KANK4: variants seen among roughly 807,000 people sequenced by gnomAD.
KANK4 encodes the protein KN motif and ankyrin repeat domains 4.
KANK4 carries 50 observed loss-of-function variants against 80.8 expected under a neutral mutation model. The ratio of observed to expected loss-of-function variants is 0.62; its 90% CI spans 0.49 to 0.78. The LOEUF (loss-of-function observed/expected upper bound fraction) is 0.78. KANK4 is among the 30% of genes least tolerant of loss of function. The probability of loss-of-function intolerance (pLI) is 0.00; values close to 1 mark genes in which losing one functional copy is unlikely to be tolerated. For missense variants in KANK4, 1,196 were observed against 1,240.1 expected, an observed-to-expected ratio of 0.96 and a Z score of 0.53; for synonymous variants, 465 against 506.9, an observed-to-expected ratio of 0.92 and a Z score of 1.11.
chr1:62,278,367 TCCTTCCTTCC>T (rs1672365843), intron 2 of KANK4, among the ~76,000 whole-genome samples: 1 of 33,922 alleles, frequency 2.9e-5, no homozygotes, highest in African/African-American at 2.7e-4. Context: ...CTTCCTTCCT[TCCTTCCTTCC>T]TTTCTTTCTT....
chr1:62,266,230 A>G (rs999813025), intron 6 of KANK4, among the ~76,000 whole-genome samples: 4 of 152,198 alleles, frequency 2.6e-5, no homozygotes, highest in African/African-American at 9.7e-5. Context: ...AGTGTGACCC[A>G]TCACTTCAGG....
At chr1:62,293,833 C>T (rs550802854) in intron 1 of KANK4, among the ~76,000 whole-genome samples, 2 of 152,266 alleles carry the variant, frequency 1.3e-5, no homozygotes, top group East Asian at 3.9e-4. Flanking sequence ...CCTTCCTATA[C>T]TTGGTTATTT....
At position 62,238,361 on chromosome 1, in the gene KANK4, G is replaced by C; in HGVS notation, c.2904C>G (p.Ser968=). Residue 968 remains serine (S), a synonymous_variant, in exon 10 of 10, where the codon TCC becomes TCG. Coordinates refer to ENST00000371153, the MANE Select transcript of KANK4 (RefSeq NM_181712.5). ...LTDKAGRTAL[S]IALKSPTHME... ...TATGGGTGGGTGACTTCAGAGCGATGGACAAAGCTGTGCGGCCAGCCTACA... is the reference window on the plus strand; with the variant it reads ...TATGGGTGGGTGACTTCAGAGCGATCGACAAAGCTGTGCGGCCAGCCTACA... 2 of 1,613,930 alleles carry C rather than the reference G, an allele frequency of 1.2e-6. No individual in the cohort carries two copies. Among genetic ancestry groups the C allele is most frequent in the Admixed American group, 3.3e-5 (2 of 60,012 alleles).
rs1404285588 is a variant in KANK4 at position 62,268,282 on chromosome 1, C to T, written c.2231+5G>A. On this transcript the variant is annotated splice_donor_5th_base_variant and intron_variant, in intron 5 of 9. Transcript: ENST00000371153. ...AAGTGCCCGCGTTTGTGTCCATTTG[C>T]TCACCTCTCGGCCTTGGAGTGGGGG... The T allele has an allele frequency of 1.2e-6, 2 of 1,612,126 alleles. No individual in the cohort carries two copies. Among genetic ancestry groups the T allele is most frequent in the African/African-American group, 2.7e-5 (2 of 74,902 alleles).
intron 6 of KANK4, among the ~76,000 whole-genome samples, chr1:62,266,316 A>T (rs996239570): frequency 6.6e-6 from 1 of 151,380 alleles, no homozygotes; most frequent in Admixed American, 6.6e-5. Flanking sequence ...ACTGCCTCAC[A>T]CTGTGCACTG....
intron 1 of KANK4, among the ~76,000 whole-genome samples, chr1:62,310,750 G>A (rs956310136): frequency 3.3e-5 from 5 of 152,114 alleles, no homozygotes; most frequent in African/African-American, 1.2e-4. Context: ...GCTCACCTGA[G>A]AAGATGGGGA....
chr1:62,273,432 C>A lies in KANK4; in HGVS notation c.1672G>T (p.Ala558Ser). Residue 558 changes from alanine (A) to serine (S), a missense_variant, in exon 3 of 10, where the codon GCC becomes TCC. Ala to Ser is a moderately conservative substitution (Grantham distance 99). Around this residue, in one of 3 missense-constraint regions of KANK4, gnomAD observed 1,154 missense variants for 1,179.6 expected, o/e 0.98. Coordinates refer to ENST00000371153, the MANE Select transcript of KANK4 (RefSeq NM_181712.5). ...PGRPPSSPTD[A>S]TIGQYVKKIQ... ...TTCTTCACATACTGCCCAATAGTGG[C>A]ATCCGTTGGCGAGCTTGGTGGCCTT... is the stretch of plus-strand genomic sequence containing the variant. The A allele has an allele frequency of 6.2e-7, 1 of 1,613,494 alleles. No homozygotes were observed. The highest frequency in any genetic ancestry group is 1.1e-5 in the South Asian group (1 of 90,872).
chr1:62,250,604 C>T (rs772681893), intron 8 of KANK4, among the ~76,000 whole-genome samples: 2 of 152,116 alleles, frequency 1.3e-5, no homozygotes, highest in African/African-American at 4.8e-5. Flanking sequence ...TTTGGTGACC[C>T]GGAATGAGTC....
intron 4 of KANK4, among the ~76,000 whole-genome samples, chr1:62,269,225 A>G (rs901334792): frequency 6.6e-6 from 1 of 152,234 alleles, no homozygotes; most frequent in African/African-American, 2.4e-5. Flanking sequence ...ACCAGAGGCC[A>G]TGGAGGAAAG....
intron 2 of KANK4, among the ~76,000 whole-genome samples, chr1:62,279,918 C>T (rs1288909419): frequency 6.6e-6 from 1 of 152,178 alleles, no homozygotes; most frequent in African/African-American, 2.4e-5. Context: ...AACAACAGAT[C>T]ACTAGATCCT....
intron 8 of KANK4, among the ~76,000 whole-genome samples, chr1:62,251,390 ACT>A (rs1440462263): frequency 1.3e-5 from 2 of 152,020 alleles, no homozygotes; most frequent in Non-Finnish European, 2.9e-5. Flanking sequence ...AAAAGCCCAG[ACT>A]CTTCACAGTT....
chr1:62,294,872 G>A lies in KANK4; in HGVS notation c.-70-13238C>T, dbSNP rs1044562202. Among the ~76,000 whole-genome samples the A allele has an allele frequency of 2.0e-5, 3 of 152,224 alleles. No homozygotes were observed. In the East Asian group the frequency reaches 5.8e-4, roughly 29 times the overall value. On this transcript the variant is annotated intron_variant, in intron 1 of 9. Transcript: ENST00000371153. ...ACTTCAGGAGAGATGAAGTGCACCA[G>A]GAACTTCTCTGAACTTCAACTTTCC...
intron 1 of KANK4, among the ~76,000 whole-genome samples, chr1:62,296,092 G>T (rs2765269): frequency 0.7 from 106,453 of 152,184 alleles, 38,197 homozygotes; most frequent in East Asian, 0.87. Context: ...AGCAGTTAAG[G>T]AGAAAAAAGT....
intron 1 of KANK4, among the ~76,000 whole-genome samples, chr1:62,286,781 A>G (rs1312516018): frequency 6.6e-6 from 1 of 152,032 alleles, no homozygotes; most frequent in Non-Finnish European, 1.5e-5. Context: ...CCAGGACCAC[A>G]TGAAGCCTCT....
intron 1 of KANK4, among the ~76,000 whole-genome samples, chr1:62,318,061 T>C (rs1644556883): frequency 1.3e-5 from 2 of 152,186 alleles, no homozygotes; most frequent in Non-Finnish European, 2.9e-5. Context: ...TGAGAGGCTC[T>C]AAGCAACCTG....
In KANK4 at chr1:62,253,210, C is replaced by T; in HGVS notation, c.2540-1G>A. ...TTCTGATGGTCCACATTGCAGACGC[C>T]TGCAAGAGAAGCAATGGGTGCTGCA... On this transcript the variant is annotated splice_acceptor_variant, in intron 7 of 9. Coordinates refer to ENST00000371153, the MANE Select transcript of KANK4 (RefSeq NM_181712.5). LOFTEE classifies it high-confidence loss of function. 6.2e-7 allele frequency: 1 copy of T among 1,602,628 alleles called. No individual in the cohort carries two copies.
intron 2 of KANK4, among the ~76,000 whole-genome samples, chr1:62,279,691 G>T (rs1042759834): frequency 6.6e-6 from 1 of 152,164 alleles, no homozygotes; most frequent in Non-Finnish European, 1.5e-5. Context: ...CAGAGTAGGC[G>T]CTCAGTGAAG....
chr1:62,292,106 T>G (rs1357569022), intron 1 of KANK4, among the ~76,000 whole-genome samples: 1 of 152,216 alleles, frequency 6.6e-6, no homozygotes, highest in East Asian at 1.9e-4. Flanking sequence ...TGTATAGATT[T>G]GCCGATTGAG....
intron 1 of KANK4, among the ~76,000 whole-genome samples, chr1:62,282,739 C>T (rs1279114715): frequency 5.9e-5 from 9 of 152,180 alleles, no homozygotes; most frequent in Non-Finnish European, 1.0e-4. Context: ...TCCTCCAGCC[C>T]GTTTGCCAAG....
Sources: gnomAD v4.1 joint callset for allele counts (sites outside exome capture counted in the v4.1 genomes callset) on GRCh38, gnomAD v4.1.1 for gene constraint, gnomAD v4.1.1 regional missense constraint, MANE v1.5 for transcripts, NCBI Gene and HGNC (gene_info 2026-07-23, HGNC 2026-07-21) for gene names.